RARB: variants seen among roughly 807,000 people sequenced by gnomAD.
The protein encoded by RARB is retinoic acid receptor beta.
RARB carries 17 observed loss-of-function variants against 51.9 expected under a neutral mutation model. That is an observed-to-expected ratio of 0.33 (90% CI 0.22 to 0.49). The LOEUF (loss-of-function observed/expected upper bound fraction) is 0.49. Ranked by LOEUF, RARB falls within the 20% of genes least tolerant of loss-of-function variation. The pLI, the probability that RARB is intolerant of heterozygous loss-of-function variation, is 0.99. For missense variants in RARB, 369 were observed against 550.8 expected, an observed-to-expected ratio of 0.67 and a Z score of 3.30; for synonymous variants, 215 against 195.4, an observed-to-expected ratio of 1.10 and a Z score of -0.84.
At chr3:25,514,383 C>A (rs752857146) in intron 3 of RARB, among the ~76,000 whole-genome samples, 1 of 152,152 alleles carries the variant, frequency 6.6e-6, no homozygotes, top group Non-Finnish European at 1.5e-5. Flanking sequence ...AGACAGGCAT[C>A]TTTTAGTACT....
intron 3 of RARB, among the ~76,000 whole-genome samples, chr3:25,536,027 G>A (rs1479367781): frequency 1.3e-5 from 2 of 152,072 alleles, no homozygotes; most frequent in Non-Finnish European, 1.5e-5. Flanking sequence ...AGGTGAGGAG[G>A]ACATAAAGAT....
At chr3:25,494,359 C>T (rs1260165560) in intron 2 of RARB, among the ~76,000 whole-genome samples, 2 of 151,950 alleles carry the variant, frequency 1.3e-5, no homozygotes, top group Non-Finnish European at 2.9e-5. Context: ...GTTGCTTACC[C>T]ATAATATTCT....
At chr3:25,350,919 G>A (rs1228038903) in intron 5 of RARB, among the ~76,000 whole-genome samples, 1 of 152,180 alleles carries the variant, frequency 6.6e-6, no homozygotes, top group Admixed American at 6.6e-5. Context: ...GTTTGGAGGT[G>A]TCAATGGACA....
At chr3:25,330,354 A>G (rs1241074455) in intron 5 of RARB, among the ~76,000 whole-genome samples, 1 of 152,232 alleles carries the variant, frequency 6.6e-6, no homozygotes, top group East Asian at 1.9e-4. Flanking sequence ...AGTGGGGGCC[A>G]ATATTCAACA....
At chr3:25,060,659 A>G (rs1247197209) in intron 3 of RARB, among the ~76,000 whole-genome samples, 1 of 151,876 alleles carries the variant, frequency 6.6e-6, no homozygotes, top group Non-Finnish European at 1.5e-5. Context: ...AAGGAAAAAA[A>G]TCAAGTTGAT....
intron 2 of RARB, among the ~76,000 whole-genome samples, chr3:24,938,044 GC>G (rs1695582415): frequency 2.6e-5 from 1 of 38,458 alleles, no homozygotes; most frequent in Non-Finnish European, 5.2e-5. Flanking sequence ...GCACACATGC[GC>G]ACACACACTC....
chr3:25,156,799 A>G (rs1393417386), intron 4 of RARB, among the ~76,000 whole-genome samples: 1 of 152,194 alleles, frequency 6.6e-6, no homozygotes, highest in Admixed American at 6.5e-5. Context: ...TAAGAAAGAG[A>G]AACAGGCTGA....
intron 2 of RARB, among the ~76,000 whole-genome samples, chr3:24,985,555 T>C (rs1401213678): frequency 6.6e-6 from 1 of 152,194 alleles, no homozygotes; most frequent in Non-Finnish European, 1.5e-5. Context: ...AGGAGGATCA[T>C]GATTCAAGAA....
At chr3:24,881,349 T>A (rs1703155484) in intron 2 of RARB, among the ~76,000 whole-genome samples, 2 of 152,128 alleles carry the variant, frequency 1.3e-5, no homozygotes. Flanking sequence ...GAGATCAAAA[T>A]TTTTGATAAC....
chr3:25,075,155 A>G (rs1157283295), intron 3 of RARB, among the ~76,000 whole-genome samples: 5 of 152,316 alleles, frequency 3.3e-5, no homozygotes, highest in Middle Eastern at 3.4e-3. Flanking sequence ...GGGGTCTTCC[A>G]GTAATTTAGC....
At chr3:25,238,100 A>G (rs531732806) in intron 5 of RARB, among the ~76,000 whole-genome samples, 1 of 152,060 alleles carries the variant, frequency 6.6e-6, no homozygotes, top group African/African-American at 2.4e-5. Flanking sequence ...TATTCCTTCT[A>G]TTTAATTGTA....
intron 2 of RARB, among the ~76,000 whole-genome samples, chr3:25,471,437 C>T (rs1040502085): frequency 1.3e-5 from 2 of 151,976 alleles, no homozygotes; most frequent in South Asian, 2.1e-4. Flanking sequence ...ATAATTCCTA[C>T]GGAAGGAGAA....
At chr3:25,375,596 T>C (rs1203924776) in intron 5 of RARB, among the ~76,000 whole-genome samples, 3 of 152,180 alleles carry the variant, frequency 2.0e-5, no homozygotes, top group Non-Finnish European at 4.4e-5. Flanking sequence ...TATATATAGG[T>C]CAAACAGTGA....
intron 5 of RARB, among the ~76,000 whole-genome samples, chr3:25,588,322 A>G (rs1293834185): frequency 6.6e-6 from 1 of 152,242 alleles, no homozygotes; most frequent in Non-Finnish European, 1.5e-5. Context: ...ACTTGTAGGA[A>G]TATAGGTCAA....
intron 5 of RARB, among the ~76,000 whole-genome samples, chr3:25,373,324 T>G (rs1014436549): frequency 6.6e-6 from 1 of 152,108 alleles, no homozygotes; most frequent in Non-Finnish European, 1.5e-5. Context: ...GAGACTTAGC[T>G]TGGAGTTTGC....
intron 2 of RARB, among the ~76,000 whole-genome samples, chr3:24,919,693 G>C (rs1019349915): frequency 6.6e-6 from 1 of 152,126 alleles, no homozygotes. Context: ...CAGTTGTTTA[G>C]GTATCTTTTC....
chr3:25,400,812 A>G (rs1707243496), intron 5 of RARB, among the ~76,000 whole-genome samples: 1 of 152,120 alleles, frequency 6.6e-6, no homozygotes, highest in East Asian at 1.9e-4. Context: ...GCTGGGATGG[A>G]ACAGCTTGTA....
chr3:25,232,608 A>G (rs914835702), intron 5 of RARB, among the ~76,000 whole-genome samples: 5 of 152,136 alleles, frequency 3.3e-5, no homozygotes, highest in African/African-American at 1.2e-4. Context: ...TTTATGTCTA[A>G]GTATCAATGC....
intron 3 of RARB, among the ~76,000 whole-genome samples, chr3:25,511,346 T>A (rs1697886898): frequency 1.3e-5 from 2 of 152,106 alleles, no homozygotes; most frequent in Non-Finnish European, 2.9e-5. Context: ...TTAGCCAGGA[T>A]GGTCTCAATC....
Sources: allele counts gnomAD v4.1 joint callset (sites outside exome capture counted in the v4.1 genomes callset), GRCh38; gene constraint gnomAD v4.1.1; transcripts MANE v1.5; gene names NCBI Gene and HGNC (gene_info 2026-07-23, HGNC 2026-07-21).